MACROD2: variants seen among roughly 807,000 people sequenced by gnomAD.
The protein encoded by MACROD2 is ADP-ribose glycohydrolase MACROD2.
A neutral mutation model predicts 70.4 loss-of-function variants in MACROD2; 36 were observed. That is an observed-to-expected ratio of 0.51 (90% CI 0.39 to 0.68). MACROD2 has a LOEUF of 0.68. MACROD2 is among the 30% of genes least tolerant of loss of function. MACROD2 has a pLI of 0.00. For synonymous variants in MACROD2, 172 were observed against 178.8 expected, an observed-to-expected ratio of 0.96 and a Z score of 0.30; for missense variants, 496 against 538.4, an observed-to-expected ratio of 0.92 and a Z score of 0.78.
Position 14,828,957 on chromosome 20 carries a change from T to C in MACROD2, c.418+143998T>C, listed in dbSNP as rs1262402322. On this transcript the variant is annotated intron_variant, in intron 5 of 17. Coordinates refer to ENST00000684519, the MANE Select transcript of MACROD2 (RefSeq NM_001351661.2). ...ATGGTCCAGAACTATTTTTTCCTTC[T>C]TTTTTTTTTTTTTCTATTTAATGTT... Among the ~76,000 whole-genome samples the C allele has an allele frequency of 4.4e-5, 4 of 90,168 alleles. No homozygotes were observed. The East Asian group carries it at 1.0e-3, about 23-fold the overall frequency. 59.2% of individuals were successfully genotyped at this position (90,168 alleles called of 152,430 possible).
chr20:15,428,526 G>A (rs1013059382), intron 6 of MACROD2, among the ~76,000 whole-genome samples: 1 of 152,146 alleles, frequency 6.6e-6, no homozygotes, highest in East Asian at 1.9e-4. Context: ...TTATCATCAA[G>A]GATGGGAAGT....
At chr20:14,386,289 A>G (rs2083467205) in intron 3 of MACROD2, among the ~76,000 whole-genome samples, 1 of 152,210 alleles carries the variant, frequency 6.6e-6, no homozygotes, top group African/African-American at 2.4e-5. Flanking sequence ...TGTAGAATTC[A>G]TGGTTTTCTA....
intron 10 of MACROD2, among the ~76,000 whole-genome samples, chr20:15,921,014 C>T (rs893326200): frequency 4.6e-5 from 7 of 152,248 alleles, no homozygotes; most frequent in African/African-American, 1.4e-4. Flanking sequence ...CAGGCTTCTG[C>T]TATCTCTTGT....
chr20:14,855,041 A>G (rs1437097317), intron 5 of MACROD2, among the ~76,000 whole-genome samples: 1 of 152,180 alleles, frequency 6.6e-6, no homozygotes, highest in African/African-American at 2.4e-5. Context: ...TGTACAATAT[A>G]AAATTAAGTA....
intron 8 of MACROD2, among the ~76,000 whole-genome samples, chr20:15,684,503 G>A (rs1813472160): frequency 1.3e-5 from 2 of 152,190 alleles, no homozygotes; most frequent in South Asian, 4.1e-4. Flanking sequence ...TTTAATACAA[G>A]TGCTACCTTC....
chr20:14,460,411 C>T (rs371897509), intron 3 of MACROD2, among the ~76,000 whole-genome samples: 2 of 152,024 alleles, frequency 1.3e-5, no homozygotes, highest in Non-Finnish European at 2.9e-5. Flanking sequence ...TTTTAATGAT[C>T]GCCATTCTAA....
intron 4 of MACROD2, among the ~76,000 whole-genome samples, chr20:14,564,790 A>G (rs571840829): frequency 1.6e-4 from 25 of 152,094 alleles, no homozygotes; most frequent in Non-Finnish European, 3.1e-4. Context: ...TTTCTCAAAG[A>G]ACTAAAAATA....
At chr20:14,135,050 A>G (rs927550143) in intron 3 of MACROD2, among the ~76,000 whole-genome samples, 1 of 152,154 alleles carries the variant, frequency 6.6e-6, no homozygotes, top group Non-Finnish European at 1.5e-5. Flanking sequence ...AAAAATTAAT[A>G]TATGATATAA....
intron 5 of MACROD2, among the ~76,000 whole-genome samples, chr20:14,951,416 A>G (rs766781608): frequency 1.3e-5 from 2 of 152,122 alleles, no homozygotes; most frequent in Non-Finnish European, 2.9e-5. Context: ...TTGATCAATG[A>G]GTAATGGCTT....
At chr20:15,310,808 A>G (rs1236469433) in intron 6 of MACROD2, among the ~76,000 whole-genome samples, 1 of 152,186 alleles carries the variant, frequency 6.6e-6, no homozygotes, top group Admixed American at 6.5e-5. Flanking sequence ...GCACTCAGAT[A>G]ACAGAAAGGA....
chr20:14,265,333 A>T (rs1479551661), intron 3 of MACROD2, among the ~76,000 whole-genome samples: 1 of 152,256 alleles, frequency 6.6e-6, no homozygotes, highest in South Asian at 2.1e-4. Flanking sequence ...CAGAGGAGGT[A>T]TTCAGTAAAA....
chr20:14,504,119 A>G (rs936393771), intron 4 of MACROD2, among the ~76,000 whole-genome samples: 2 of 152,260 alleles, frequency 1.3e-5, no homozygotes, highest in Admixed American at 6.5e-5. Flanking sequence ...GACTGTTTCT[A>G]TTGTGTTCAC....
At chr20:14,357,392 A>G (rs185244504) in intron 3 of MACROD2, among the ~76,000 whole-genome samples, 3 of 152,320 alleles carry the variant, frequency 2.0e-5, no homozygotes, top group Non-Finnish European at 2.9e-5. Flanking sequence ...ACTTATTACT[A>G]TAATGAAAAG....
intron 3 of MACROD2, among the ~76,000 whole-genome samples, chr20:14,385,922 G>A (rs1426398328): frequency 1.3e-5 from 2 of 152,138 alleles, no homozygotes; most frequent in Non-Finnish European, 2.9e-5. Flanking sequence ...TTACTTGCAT[G>A]TTATTAGCAT....
At chr20:16,047,130 A>G in intron 17 of MACROD2, among the ~76,000 whole-genome samples, 1 of 152,224 alleles carries the variant, frequency 6.6e-6, no homozygotes, top group Non-Finnish European at 1.5e-5. Context: ...TCACAGAGGC[A>G]GAATGAATGA....
At chr20:15,965,693 A>T (rs949491997) in intron 12 of MACROD2, among the ~76,000 whole-genome samples, 3 of 152,200 alleles carry the variant, frequency 2.0e-5, no homozygotes, top group African/African-American at 7.2e-5. Flanking sequence ...TTTTAGTGTT[A>T]ATGTGAGAAA....
At chr20:15,084,073 T>TTTTTTTGTTTTTTTG (rs1555780902) in intron 5 of MACROD2, among the ~76,000 whole-genome samples, 3 of 92,870 alleles carry the variant, frequency 3.2e-5, no homozygotes, top group South Asian at 9.2e-4. Flanking sequence ...TTTTTTTTTG[T>TTTTTTTGTTTTTTTG]TTTTTTTTTT....
Position 15,927,220 on chromosome 20 carries a change from A to T in MACROD2, c.776-6056A>T, listed in dbSNP as rs115437859. On this transcript the variant is annotated intron_variant, in intron 10 of 17. Coordinates refer to ENST00000684519, the MANE Select transcript of MACROD2 (RefSeq NM_001351661.2). The stretch of plus-strand genomic sequence containing the variant: ...AAATACGATTCAAGGAAAAAATAAT[A>T]ATGCTTTGGGGGAAAATGAAATTTC... 4.5e-3 allele frequency among the ~76,000 whole-genome samples: 692 copies of T among 152,268 alleles called. 4 individuals carry two copies. The highest frequency in any genetic ancestry group is 0.016 in the African/African-American group (645 of 41,560).
chr20:15,805,386 C>G (rs954729001), intron 8 of MACROD2, among the ~76,000 whole-genome samples: 1 of 151,554 alleles, frequency 6.6e-6, no homozygotes, highest in East Asian at 1.9e-4. Context: ...CCTAGGGAAT[C>G]GAGTTTTATC....
Sources: gnomAD v4.1 joint callset for allele counts (sites outside exome capture counted in the v4.1 genomes callset) on GRCh38, gnomAD v4.1.1 for gene constraint, MANE v1.5 for transcripts, NCBI Gene and HGNC (gene_info 2026-07-23, HGNC 2026-07-21) for gene names.